Variants in ZNF713 observed in about 807,000 individuals in gnomAD.
ZNF713 encodes zinc finger protein 713.
A neutral mutation model predicts 28.7 loss-of-function variants in ZNF713; 21 were observed. The observed-to-expected ratio is 0.73, with a 90% CI of 0.52 to 1.05. The LOEUF is 1.05. Ranked by LOEUF, ZNF713 falls within the 50% of genes least tolerant of loss-of-function variation. ZNF713 has a pLI of 0.00. For synonymous variants in ZNF713, 167 were observed against 178.0 expected, an observed-to-expected ratio of 0.94 and a Z score of 0.49; for missense variants, 458 against 532.4, an observed-to-expected ratio of 0.86 and a Z score of 1.37.
chr7:55,923,068 G>A (rs942333506), intron 4 of ZNF713, 94 bp from the exon 5 acceptor site: 82 of 1,385,792 alleles, frequency 5.9e-5, no homozygotes, highest in Non-Finnish European at 7.6e-5. Context: ...CAGCACAATG[G>A]CTTAGATAAC....
rs1189700014 is a variant in ZNF713 at position 55,940,562 on chromosome 7, A to T, written c.*556A>T. The T allele has an allele frequency of 7.1e-6, 7 of 981,916 alleles. No homozygotes were observed. Among genetic ancestry groups the T allele is most frequent in the Non-Finnish European group, 8.5e-6 (7 of 827,016 alleles). The allele number at this position is 981,916 out of a possible 1,614,324, so 60.8% of individuals were successfully genotyped here. On this transcript the variant is annotated 3_prime_UTR_variant, in exon 7 of 7. Transcript: ENST00000429591. ...TATTTGGAGTCATGTTCCAAATCTGATATAAAACTTTTTAAAAAATCAGAA... is the reference window on the plus strand; with the variant it reads ...TATTTGGAGTCATGTTCCAAATCTGTTATAAAACTTTTTAAAAAATCAGAA...
chr7:55,923,845 C>A (rs1786045280), intron 6 of ZNF713, 146 bp downstream of exon 6: 3 of 553,878 alleles, frequency 5.4e-6, no homozygotes, highest in Non-Finnish European at 6.4e-6. Context: ...TTATATTTTT[C>A]TGAATTTGAA....
chr7:55,921,424 A>G (rs1180604362), intron 4 of ZNF713, among the ~76,000 whole-genome samples: 2 of 152,232 alleles, frequency 1.3e-5, no homozygotes, highest in East Asian at 1.9e-4. Context: ...GATCTGGCCA[A>G]TGTAAATTGA....
chr7:55,918,038 A>G, intron 4 of ZNF713: 1 of 456,698 alleles, frequency 2.2e-6, no homozygotes, highest in South Asian at 1.5e-5. Context: ...TCATCCCATT[A>G]TAGATGTGGA....
chr7:55,940,003 A>C lies in ZNF713; in HGVS notation c.1329A>C (p.Thr443=). The C allele has an allele frequency of 6.4e-7, 1 of 1,566,082 alleles. No homozygotes were observed. The part of the protein sequence containing the change: ...TVRHSPSFSS[T] The stretch of plus-strand genomic sequence containing the variant: ...GCCACAGTCCTTCATTTAGCAGCAC[A>C]TAACTTATGGTGGGGGAAATCAGAT... Residue 443 remains threonine, a synonymous_variant, in exon 7 of 7, where the codon ACA becomes ACC. Transcript: ENST00000429591.
intron 1 of ZNF713, among the ~76,000 whole-genome samples, chr7:55,890,079 A>T (rs759575261): frequency 3.3e-5 from 5 of 152,174 alleles, no homozygotes; most frequent in Non-Finnish European, 7.3e-5. Flanking sequence ...CACTGGGTGC[A>T]TGCATTCCTG....
rs777932577 is a variant in ZNF713 at position 55,940,225 on chromosome 7, C to T, written c.*219C>T. 3.9e-5 allele frequency: 30 copies of T among 762,546 alleles called. No individual in the cohort carries two copies. Among genetic ancestry groups the T allele is most frequent in the Non-Finnish European group, 4.8e-5 (26 of 543,892 alleles). The allele number at this position is 762,546 out of a possible 1,614,324, so 47.2% of individuals were successfully genotyped here. The stretch of plus-strand genomic sequence containing the variant: ...GCAACCTCTGCCACCTGGGTTCAAG[C>T]GATTCTCCTGCCTCAGCCTCCTGAG... On this transcript the variant is annotated 3_prime_UTR_variant, in exon 7 of 7. Coordinates refer to ENST00000429591, the MANE Select transcript of ZNF713 (RefSeq NM_182633.3).
intron 1 of ZNF713, among the ~76,000 whole-genome samples, chr7:55,892,555 CAAAAAAA>C (rs56338467): frequency 1.3e-5 from 1 of 74,366 alleles, no homozygotes; most frequent in African/African-American, 5.8e-5. Context: ...AAGCACTGAC[CAAAAAAA>C]AAAAAAAAAA....
rs1562731570 is a variant in ZNF713 at position 55,887,831 on chromosome 7, CGGGCGGCG to C, written c.-583+154_-583+161del. On this transcript the variant is annotated intron_variant, in intron 1 of 6. Transcript: ENST00000429591. ...GCGGCGGGCGGCGGGCGGCGGGCGG[CGGGCGGCG>C]GGCGGCGGCGGCGGCGGGCGGCGGG... is the stretch of plus-strand genomic sequence containing the variant. 4.5e-3 allele frequency among the ~76,000 whole-genome samples: 14 copies of C among 3,102 alleles called. 4 individuals carry two copies. Among genetic ancestry groups the C allele is most frequent in the African/African-American group, 5.9e-3 (8 of 1,350 alleles). The allele number at this position is 3,102 out of a possible 152,430, so 2.0% of individuals were successfully genotyped here.
intron 1 of ZNF713, among the ~76,000 whole-genome samples, chr7:55,898,868 C>T (rs1785520490): frequency 6.6e-6 from 1 of 152,108 alleles, no homozygotes; most frequent in African/African-American, 2.4e-5. Flanking sequence ...AAATGCTTAT[C>T]ACTGATCTTG....
chr7:55,910,305 T>A (rs1785763048), intron 2 of ZNF713, among the ~76,000 whole-genome samples: 1 of 152,196 alleles, frequency 6.6e-6, no homozygotes, highest in South Asian at 2.1e-4. Context: ...GCCTGATTGC[T>A]GTGGCCAGGA....
chr7:55,936,710 G>A (rs924062549), intron 6 of ZNF713, among the ~76,000 whole-genome samples: 12 of 152,040 alleles, frequency 7.9e-5, no homozygotes, highest in Non-Finnish European at 1.8e-4. Flanking sequence ...GCATTGCCCC[G>A]CTTTGTTGGG....
At chr7:55,899,715 C>T (rs547933179) in intron 1 of ZNF713, among the ~76,000 whole-genome samples, 1 of 152,098 alleles carries the variant, frequency 6.6e-6, no homozygotes, top group East Asian at 1.9e-4. Flanking sequence ...TATGATCCAG[C>T]AGTCCCACTT....
chr7:55,908,594 T>A (rs1303308772), intron 2 of ZNF713, among the ~76,000 whole-genome samples: 1 of 151,750 alleles, frequency 6.6e-6, no homozygotes, highest in Non-Finnish European at 1.5e-5. Flanking sequence ...CACTTTTTGA[T>A]GGGTTTTTTT....
intron 1 of ZNF713, among the ~76,000 whole-genome samples, chr7:55,905,713 T>C (rs1053342061): frequency 2.6e-5 from 4 of 152,088 alleles, no homozygotes; most frequent in Non-Finnish European, 5.9e-5. Flanking sequence ...CTGGAATTTA[T>C]GATACAAAGA....
At chr7:55,896,440 G>A (rs1354733479) in intron 1 of ZNF713, among the ~76,000 whole-genome samples, 1 of 151,892 alleles carries the variant, frequency 6.6e-6, no homozygotes. Flanking sequence ...TGTCACAATT[G>A]AACAAATAAG....
Position 55,912,740 on chromosome 7 carries a change from TCTC to T in ZNF713, c.87+21_87+23del, listed in dbSNP as rs760020803. ...AGATCTCAGGTAAGTTCAGTTTTCC[TCTC>T]CTCTGAAATGCCAGTGTTCTCAGAA... is the stretch of plus-strand genomic sequence containing the variant. On this transcript the variant is annotated intron_variant, in intron 4 of 6. Coordinates refer to ENST00000429591, the MANE Select transcript of ZNF713 (RefSeq NM_182633.3). The T allele has an allele frequency of 1.2e-5, 19 of 1,603,278 alleles. No homozygotes were observed. The highest frequency in any genetic ancestry group is 1.6e-5 in the Non-Finnish European group (19 of 1,171,296).
chr7:55,908,536 AATG>A (rs374296838), intron 2 of ZNF713, among the ~76,000 whole-genome samples: 4 of 151,432 alleles, frequency 2.6e-5, no homozygotes, highest in African/African-American at 9.7e-5. Flanking sequence ...ACTGTTGATG[AATG>A]ATGTTAAGCA....
Position 55,923,126 on chromosome 7 carries a change from G to A in ZNF713, c.88-36G>A, listed in dbSNP as rs777247640. On this transcript the variant is annotated intron_variant, in intron 4 of 6. Coordinates refer to ENST00000429591, the MANE Select transcript of ZNF713 (RefSeq NM_182633.3). ...TCCCTTGAGGGTCCCTGTAAGAACC[G>A]TTTTTGCCTGAGCAGGGATGTGCTT... 25 of 1,585,206 alleles carry A rather than the reference G, an allele frequency of 1.6e-5. 1 individual carries two copies. In the South Asian group the frequency reaches 1.8e-4, roughly 11 times the overall value.
Sources: allele counts gnomAD v4.1 joint callset (sites outside exome capture counted in the v4.1 genomes callset), GRCh38; gene constraint gnomAD v4.1.1; transcripts MANE v1.5; gene names NCBI Gene and HGNC (gene_info 2026-07-23, HGNC 2026-07-21).